Variants in LMBRD1 observed in about 807,000 individuals in gnomAD.
LMBRD1 encodes the protein LMBR1 domain containing 1.
In LMBRD1, 64 loss-of-function variants were observed where a neutral mutation model predicts 74.8. The ratio of observed to expected loss-of-function variants is 0.86; its 90% CI spans 0.70 to 1.05. The LOEUF is 1.05. LMBRD1 is among the 50% of genes least tolerant of loss of function. The pLI is 0.00. For synonymous variants in LMBRD1, 204 were observed against 216.3 expected (o/e 0.94, Z 0.50); for missense variants, 652 against 645.9 (o/e 1.01, Z -0.10).
At position 69,719,030 on chromosome 6, in the gene LMBRD1, C is replaced by T. The variant is rs376081191; in HGVS notation, c.688G>A (p.Ala230Thr). The T allele has an allele frequency of 2.4e-5, 38 of 1,612,590 alleles. No individual in the cohort carries two copies. In the African/African-American group the frequency reaches 3.2e-4, roughly 14 times the overall value. Residue 230 changes from alanine (A) to threonine (T), a missense_variant, in exon 8 of 16, where the codon GCT becomes ACT. Ala to Thr is a moderately conservative substitution (Grantham distance 58, BLOSUM62 0). Transcript: ENST00000649934. The part of the protein sequence containing the change: ...PLNLIKGTRS[A>T]AYERLENTED... ...GTGTTTTCCAAACGTTCATAAGCAG[C>T]GCTTCTAGTGCCTTTTATCAGATTT...
chr6:69,782,774 T>A (rs756391233), intron 2 of LMBRD1, among the ~76,000 whole-genome samples: 5 of 152,158 alleles, frequency 3.3e-5, no homozygotes, highest in Non-Finnish European at 7.3e-5. Context: ...TTTCTCTCTT[T>A]GCCTAATGTA....
chr6:69,748,991 A>G (rs1342282642), intron 5 of LMBRD1, among the ~76,000 whole-genome samples: 1 of 152,040 alleles, frequency 6.6e-6, no homozygotes, highest in African/African-American at 2.4e-5. Flanking sequence ...AATATAGTCA[A>G]AATTGATGGA....
intron 3 of LMBRD1, among the ~76,000 whole-genome samples, chr6:69,766,385 A>AT (rs574729572): frequency 9.9e-5 from 15 of 151,692 alleles, no homozygotes; most frequent in Non-Finnish European, 1.9e-4. Flanking sequence ...CGATACTGGA[A>AT]TTTTTTTTGC....
chr6:69,781,866 T>G (rs1186307714), intron 2 of LMBRD1, among the ~76,000 whole-genome samples: 1 of 151,948 alleles, frequency 6.6e-6, no homozygotes, highest in African/African-American at 2.4e-5. Context: ...AAAATCCCAT[T>G]GTGCTAGGAG....
At chr6:69,782,870 G>A (rs1160661468) in intron 2 of LMBRD1, among the ~76,000 whole-genome samples, 7 of 152,146 alleles carry the variant, frequency 4.6e-5, no homozygotes, top group Admixed American at 4.6e-4. Flanking sequence ...TTTGGGCCAA[G>A]AGTCCTTTAC....
rs1301185246 is a variant in LMBRD1 at position 69,674,987 on chromosome 6, AAAG to A, written c.*1168_*1170del. Among the ~76,000 whole-genome samples the A allele has an allele frequency of 6.6e-6, 1 of 152,150 alleles. No homozygotes were observed. The highest frequency in any genetic ancestry group is 1.5e-5 in the Non-Finnish European group (1 of 68,026). On this transcript the variant is annotated 3_prime_UTR_variant, in exon 16 of 16. Coordinates refer to ENST00000649934, the MANE Select transcript of LMBRD1 (RefSeq NM_018368.4). ...AAACTCCATCTTAAAAAAAAAGAAA[AAAG>A]AAAATGTAAAATAAGAACAGAAGGG...
At chr6:69,713,110 A>G (rs1176651504) in intron 9 of LMBRD1, among the ~76,000 whole-genome samples, 1 of 152,078 alleles carries the variant, frequency 6.6e-6, no homozygotes, top group Non-Finnish European at 1.5e-5. Context: ...AAGAATAGAG[A>G]GCCTAGAAAT....
At chr6:69,754,473 AC>A (rs1382426110) in intron 3 of LMBRD1, among the ~76,000 whole-genome samples, 1 of 152,144 alleles carries the variant, frequency 6.6e-6, no homozygotes, top group African/African-American at 2.4e-5. Flanking sequence ...ATCAAATAGG[AC>A]CCTAAATAAT....
At chr6:69,769,425 C>T (rs1357679158) in intron 3 of LMBRD1, among the ~76,000 whole-genome samples, 1 of 152,144 alleles carries the variant, frequency 6.6e-6, no homozygotes, top group Non-Finnish European at 1.5e-5. Flanking sequence ...GCTTACTTTG[C>T]TGCTTTAAAC....
At chr6:69,690,575 A>G (rs1043411242) in intron 14 of LMBRD1, among the ~76,000 whole-genome samples, 1 of 152,134 alleles carries the variant, frequency 6.6e-6, no homozygotes, top group Non-Finnish European at 1.5e-5. Context: ...GGGATTTTTA[A>G]AGGTTATTTT....
At chr6:69,676,394 A>G in intron 15 of LMBRD1, 56 bp downstream of exon 15, 1 of 1,582,478 alleles carries the variant, frequency 6.3e-7, no homozygotes, top group Non-Finnish European at 8.7e-7. Flanking sequence ...GAGTTTACAC[A>G]TTTAACTATA....
chr6:69,713,643 A>C lies in LMBRD1; in HGVS notation c.915+2T>G. On this transcript the variant is annotated splice_donor_variant, in intron 9 of 15. Transcript: ENST00000649934. LOFTEE classifies it high-confidence loss of function. ...AGCATAATTTTTAAAAACTTCATTT[A>C]CCTTCAGGGGACGCAGAGCGCCACA... 6.2e-7 allele frequency: 1 copy of C among 1,613,246 alleles called. No homozygotes were observed. The highest frequency in any genetic ancestry group is 8.5e-7 in the Non-Finnish European group (1 of 1,179,448).
chr6:69,695,833 C>A (rs559989613), intron 14 of LMBRD1, among the ~76,000 whole-genome samples: 1 of 132,630 alleles, frequency 7.5e-6, no homozygotes, highest in East Asian at 2.4e-4. Flanking sequence ...ATTTTTCTAA[C>A]CTTAGTACTT....
At chr6:69,795,952 AAAGT>A (rs1766215967) in intron 1 of LMBRD1, among the ~76,000 whole-genome samples, 1 of 152,246 alleles carries the variant, frequency 6.6e-6, no homozygotes, top group Non-Finnish European at 1.5e-5. Flanking sequence ...GTGAGAACAG[AAAGT>A]AACTACAGCC....
intron 8 of LMBRD1, among the ~76,000 whole-genome samples, chr6:69,716,403 C>T (rs1379491430): frequency 6.6e-6 from 1 of 151,952 alleles, no homozygotes; most frequent in Non-Finnish European, 1.5e-5. Context: ...ATTTTTTGGC[C>T]ACATGTATGT....
At chr6:69,791,292 A>C (rs1433539078) in intron 1 of LMBRD1, among the ~76,000 whole-genome samples, 1 of 152,184 alleles carries the variant, frequency 6.6e-6, no homozygotes, top group South Asian at 2.1e-4. Flanking sequence ...TGCATTTGTA[A>C]CAGCTTCCCC....
chr6:69,715,049 C>T (rs757616222), intron 8 of LMBRD1, among the ~76,000 whole-genome samples: 1 of 152,022 alleles, frequency 6.6e-6, no homozygotes, highest in African/African-American at 2.4e-5. Context: ...TTCCATTCCT[C>T]TAAGTACATT....
At chr6:69,698,015 AAT>A (rs1259048593) in intron 13 of LMBRD1, among the ~76,000 whole-genome samples, 5 of 152,042 alleles carry the variant, frequency 3.3e-5, no homozygotes, top group African/African-American at 1.2e-4. Context: ...AAGGATGTTT[AAT>A]AAGCATGACC....
intron 7 of LMBRD1, among the ~76,000 whole-genome samples, chr6:69,724,364 A>C (rs1302936578): frequency 1.4e-5 from 2 of 144,332 alleles, no homozygotes; most frequent in Admixed American, 6.7e-5. Context: ...AAAAAAAAAA[A>C]ACACTACAGG....
Sources: allele counts gnomAD v4.1 joint callset (sites outside exome capture counted in the v4.1 genomes callset), GRCh38; gene constraint gnomAD v4.1.1; transcripts MANE v1.5; gene names NCBI Gene and HGNC (gene_info 2026-07-23, HGNC 2026-07-21).